NRCAM: variants seen among roughly 807,000 people sequenced by gnomAD.
NRCAM encodes neuronal cell adhesion molecule.
In NRCAM, 83 loss-of-function variants were observed where a neutral mutation model predicts 156.5. The ratio of observed to expected loss-of-function variants is 0.53; its 90% confidence interval spans 0.44 to 0.64. The LOEUF is 0.64. Ranked by LOEUF, NRCAM falls within the 30% of genes least tolerant of loss-of-function variation. The pLI is 0.00. For missense variants in NRCAM, 1,417 were observed against 1,597.3 expected (o/e 0.89, Z 1.92); for synonymous variants, 538 against 563.9 (o/e 0.95, Z 0.65).
chr7:108,190,033 G>A (rs1004505908), intron 19 of NRCAM, among the ~76,000 whole-genome samples: 18 of 152,102 alleles, frequency 1.2e-4, no homozygotes, highest in African/African-American at 3.1e-4. Flanking sequence ...CACTCTCAGC[G>A]TTTCTTCTCA....
intron 2 of NRCAM, among the ~76,000 whole-genome samples, chr7:108,385,309 C>A (rs1385546543): frequency 2.0e-5 from 3 of 152,136 alleles, no homozygotes; most frequent in Admixed American, 2.0e-4. Context: ...ACCCAATATA[C>A]CTACAGTCTA....
At chr7:108,182,587 A>T in intron 23 of NRCAM, 108 bp downstream of exon 23, 1 of 924,136 alleles carries the variant, frequency 1.1e-6, no homozygotes, top group Non-Finnish European at 1.7e-6. Context: ...AGTCGTGCAA[A>T]ATAATTGCCA....
intron 1 of NRCAM, among the ~76,000 whole-genome samples, chr7:108,441,261 A>C (rs750672818): frequency 1.3e-5 from 2 of 152,232 alleles, no homozygotes; most frequent in Non-Finnish European, 2.9e-5. Context: ...ACCCCCCAAC[A>C]TATAAACAAA....
chr7:108,403,042 G>C (rs1356866470), intron 1 of NRCAM, among the ~76,000 whole-genome samples: 2 of 152,160 alleles, frequency 1.3e-5, no homozygotes, highest in African/African-American at 4.8e-5. Context: ...TGTGCAGCAA[G>C]CCCCTCCTCC....
chr7:108,300,189 TACA>T (rs2098568314), intron 3 of NRCAM, among the ~76,000 whole-genome samples: 1 of 129,944 alleles, frequency 7.7e-6, no homozygotes, highest in Non-Finnish European at 1.6e-5. Context: ...TTTTTTTTTT[TACA>T]AAAGAGCAAG....
rs1049816762 is a variant in NRCAM, at chr7:108,333,834, C to T, written c.-173-21103G>A. On this transcript the variant is annotated intron_variant, in intron 2 of 32. Coordinates refer to ENST00000379028, the MANE Select transcript of NRCAM (RefSeq NM_001037132.4). Reference sequence around the variant, plus strand: ...TTCTGCTACAGTTCATCCTACTAGTCACTCATCTTTCTTTTCTTAGACAAC... The same window carrying T: ...TTCTGCTACAGTTCATCCTACTAGTTACTCATCTTTCTTTTCTTAGACAAC... 3.3e-5 allele frequency among the ~76,000 whole-genome samples: 5 copies of T among 152,144 alleles called. No homozygotes were observed. The East Asian group carries it at 9.6e-4, about 29-fold the overall frequency.
At chr7:108,277,039 C>T (rs1468031318) in intron 3 of NRCAM, among the ~76,000 whole-genome samples, 1 of 152,130 alleles carries the variant, frequency 6.6e-6, no homozygotes. Context: ...AAATTCTTTT[C>T]TTTAAGAATG....
Position 108,149,954 on chromosome 7 carries a change from A to G in NRCAM, c.3871T>C (p.Ser1291Pro). ...GCGTTGACAGGAGAAGGTGCCTCTG[A>G]GCTTTCGTTTCCTTCAGCCGGCTCT... Reference protein sequence around the residue: ...EKEPAEGNESSEAPSPVNAMN... With the variant: ...EKEPAEGNESPEAPSPVNAMN... The change falls in exon 33 of 33, where the codon TCA becomes CCA. Residue 1291 changes from serine (S) to proline (P), a missense_variant. Physicochemically the swap from Ser to Pro is moderately conservative, Grantham distance 74. Around this residue, in one of 2 missense-constraint regions of NRCAM, gnomAD observed 179 missense variants for 260.9 expected, o/e 0.69. Transcript: ENST00000379028. 4 of 1,613,786 alleles carry G rather than the reference A, an allele frequency of 2.5e-6. No homozygotes were observed. The highest frequency in any genetic ancestry group is 3.4e-6 in the Non-Finnish European group (4 of 1,179,908).
chr7:108,244,911 T>C (rs1287112479), intron 3 of NRCAM, among the ~76,000 whole-genome samples: 2 of 152,160 alleles, frequency 1.3e-5, no homozygotes, highest in African/African-American at 2.4e-5. Context: ...ATGATCTTAT[T>C]TGATATTCAT....
chr7:108,318,777 C>T (rs1158324), intron 2 of NRCAM, among the ~76,000 whole-genome samples: 85,284 of 152,000 alleles, frequency 0.56, 24,930 homozygotes, highest in East Asian at 0.82. Context: ...CTGGGAATCC[C>T]GGTCTCCCCT....
At chr7:108,432,074 T>C (rs1313369899) in intron 1 of NRCAM, among the ~76,000 whole-genome samples, 1 of 152,226 alleles carries the variant, frequency 6.6e-6, no homozygotes, top group Non-Finnish European at 1.5e-5. Context: ...TTCAGGATTT[T>C]AGTGGACAGC....
At chr7:108,400,468 G>A (rs1039857712) in intron 1 of NRCAM, among the ~76,000 whole-genome samples, 3 of 152,084 alleles carry the variant, frequency 2.0e-5, no homozygotes, top group Non-Finnish European at 4.4e-5. Flanking sequence ...AAAAAGTATC[G>A]ATGGCTGGGC....
intron 3 of NRCAM, among the ~76,000 whole-genome samples, chr7:108,278,281 G>A (rs940261570): frequency 3.9e-5 from 6 of 152,206 alleles, no homozygotes; most frequent in African/African-American, 1.4e-4. Context: ...GAGCTGTCAG[G>A]CAGGGACGTT....
chr7:108,294,193 G>GTTTTTTT (rs56717039), intron 3 of NRCAM, among the ~76,000 whole-genome samples: 1 of 87,932 alleles, frequency 1.1e-5, no homozygotes, highest in Non-Finnish European at 2.1e-5. Flanking sequence ...TTCTTTACTG[G>GTTTTTTT]TTTTTTTTTT....
chr7:108,386,391 T>C (rs1436820989), intron 2 of NRCAM, among the ~76,000 whole-genome samples: 1 of 152,214 alleles, frequency 6.6e-6, no homozygotes, highest in Non-Finnish European at 1.5e-5. Context: ...ATCCATTCTT[T>C]AATCTTATCT....
At position 108,168,369 on chromosome 7, in the gene NRCAM, G is replaced by A; in HGVS notation, c.3221C>T (p.Thr1074Ile). 1.9e-6 allele frequency: 3 copies of A among 1,606,482 alleles called. No individual in the cohort carries two copies. Among genetic ancestry groups the A allele is most frequent in the Non-Finnish European group, 2.5e-6 (3 of 1,177,006 alleles). Residue 1074 changes from threonine (T) to isoleucine (I), a missense_variant, in exon 29 of 33, where the codon ACT becomes ATT. Around this residue, in one of 2 missense-constraint regions of NRCAM, gnomAD observed 1,238 missense variants for 1,336.4 expected, o/e 0.93. Coordinates refer to ENST00000379028, the MANE Select transcript of NRCAM (RefSeq NM_001037132.4). ...GGCATAGGTCTCAGCAGCTGCAGCA[G>A]TAAGATTGCTGATCCTGGGATTTAC... The part of the protein sequence containing the change: ...QAVNPRISNL[T>I]AAAAETYANI...
At chr7:108,377,752 T>C (rs572971512) in intron 2 of NRCAM, among the ~76,000 whole-genome samples, 64 of 152,108 alleles carry the variant, frequency 4.2e-4, no homozygotes, top group African/African-American at 1.5e-3. Flanking sequence ...CCCAGCAATA[T>C]AACAGACTAC....
chr7:108,207,445 T>C, intron 13 of NRCAM, 83 bp downstream of exon 13: 2 of 1,424,574 alleles, frequency 1.4e-6, no homozygotes, highest in Middle Eastern at 1.8e-4. Flanking sequence ...CCTGAGTTAT[T>C]TTTTTATCAC....
chr7:108,205,375 G>T (rs967648268), intron 13 of NRCAM, among the ~76,000 whole-genome samples: 35 of 152,196 alleles, frequency 2.3e-4, no homozygotes, highest in African/African-American at 8.4e-4. Context: ...ATAGCAGCAG[G>T]AATGGACTAA....
Sources: gnomAD v4.1 joint callset for allele counts (sites outside exome capture counted in the v4.1 genomes callset) on GRCh38, gnomAD v4.1.1 for gene constraint, gnomAD v4.1.1 regional missense constraint, MANE v1.5 for transcripts, NCBI Gene and HGNC (gene_info 2026-07-23, HGNC 2026-07-21) for gene names.